UBAP2: variants seen among roughly 807,000 people sequenced by gnomAD.
The protein encoded by UBAP2 is ubiquitin-associated protein 2.
A neutral mutation model predicts 139.6 loss-of-function variants in UBAP2; 75 were observed. The ratio of observed to expected loss-of-function variants is 0.54; its 90% CI spans 0.45 to 0.65. The LOEUF (loss-of-function observed/expected upper bound fraction) is 0.65. Ranked by LOEUF, UBAP2 falls within the 30% of genes least tolerant of loss-of-function variation. UBAP2 has a pLI of 0.00. For missense variants in UBAP2, 1,368 were observed against 1,369.6 expected (o/e 1.00, Z 0.02); for synonymous variants, 526 against 526.2 (o/e 1.00, Z 0.01).
intron 16 of UBAP2, among the ~76,000 whole-genome samples, chr9:33,938,546 C>T (rs1308380440): frequency 1.3e-5 from 2 of 152,150 alleles, no homozygotes; most frequent in African/African-American, 4.8e-5. Context: ...CCTGTAATCC[C>T]AGCACTTTGG....
chr9:33,994,874 G>A lies in UBAP2; in HGVS notation c.288+1349C>T, dbSNP rs1822019088. 2.6e-5 allele frequency: 4 copies of A among 152,150 alleles called. No homozygotes were observed. In the South Asian group the frequency reaches 8.3e-4, roughly 32 times the overall value. 9.4% of individuals were successfully genotyped at this position (152,150 alleles called of 1,614,324 possible). A position where few individuals can be genotyped will look rare whatever the true frequency, so the allele number is the denominator to read the frequency against. On this transcript the variant is annotated intron_variant, in intron 4 of 28. Transcript: ENST00000379238. ...TTTCAGTTTCTCAGAGTTCATTTTTGTATTTCTTGTACCTAATGCAGCATG... is the reference window on the plus strand; with the variant it reads ...TTTCAGTTTCTCAGAGTTCATTTTTATATTTCTTGTACCTAATGCAGCATG...
At chr9:33,942,289 C>T (rs894891103) in intron 15 of UBAP2, among the ~76,000 whole-genome samples, 3 of 150,280 alleles carry the variant, frequency 2.0e-5, no homozygotes, top group African/African-American at 4.9e-5. Flanking sequence ...TCCAGCCTGG[C>T]GACAGAGCAA....
chr9:34,038,785 A>C (rs1211299543), intron 1 of UBAP2, among the ~76,000 whole-genome samples: 7 of 145,170 alleles, frequency 4.8e-5, no homozygotes, highest in African/African-American at 1.6e-4. Context: ...TGCTGCCCAG[A>C]CTGGGAAGTG....
Position 34,005,949 on chromosome 9 carries a change from G to A in UBAP2, c.100-7085C>T, listed in dbSNP as rs534640584. On this transcript the variant is annotated intron_variant, in intron 2 of 28. Transcript: ENST00000379238. ...TTCTTTAGTTTAAGAACTGGACTCT[G>A]GCCAGGCGTGGTGGCTCATGCCTAT... is the stretch of plus-strand genomic sequence containing the variant. Among the ~76,000 whole-genome samples the A allele has an allele frequency of 2.7e-4, 41 of 151,998 alleles. 1 individual carries two copies. The highest frequency in any genetic ancestry group is 5.9e-4 in the Non-Finnish European group (40 of 68,008).
At chr9:33,924,078 C>T in intron 23 of UBAP2, 78 bp from the exon 24 acceptor site, 1 of 1,593,890 alleles carries the variant, frequency 6.3e-7, no homozygotes, top group South Asian at 1.1e-5. Context: ...CAAACAGGAA[C>T]AGGTCTGGCT....
chr9:33,935,692 A>C (rs983277252), intron 17 of UBAP2, 147 bp downstream of exon 17: 2 of 846,228 alleles, frequency 2.4e-6, no homozygotes, highest in Non-Finnish European at 4.0e-6. Flanking sequence ...CACAGCCAAC[A>C]CCTGGTCCAA....
Position 33,923,441 on chromosome 9 carries a change from A to G in UBAP2, c.2834T>C (p.Leu945Pro). 6.2e-7 allele frequency: 1 copy of G among 1,614,030 alleles called. No individual in the cohort carries two copies. The highest frequency in any genetic ancestry group is 8.5e-7 in the Non-Finnish European group (1 of 1,179,994). ...CTGGAAGGGAGGTGTGGGAGTGCTG[A>G]GGTTCACCCCATGTTGCTTGGCTGA... ...PASAKQHGVN[L>P]STPTPPFQQA... The change falls in exon 25 of 29, where the codon CTC (leucine) becomes CCC (proline). Residue 945 changes from leucine to proline, a missense_variant. Leu to Pro is a moderately conservative substitution (Grantham distance 98). Transcript: ENST00000379238.
intron 8 of UBAP2, chr9:33,968,319 G>A: frequency 1.7e-6 from 1 of 591,072 alleles, no homozygotes; most frequent in Admixed American, 1.9e-5. Context: ...GGCCTCTGAT[G>A]CCCATGTTCA....
intron 13 of UBAP2, among the ~76,000 whole-genome samples, 179 bp downstream of exon 13, chr9:33,948,195 A>G (rs533086176): frequency 3.3e-5 from 5 of 152,282 alleles, no homozygotes; most frequent in Admixed American, 3.3e-4. Flanking sequence ...AACAACAAAA[A>G]CAAATAAATG....
intron 1 of UBAP2, among the ~76,000 whole-genome samples, chr9:34,037,142 CCAT>C (rs1826499846): frequency 6.6e-6 from 1 of 152,082 alleles, no homozygotes; most frequent in Non-Finnish European, 1.5e-5. Context: ...AGGCGTGCCA[CCAT>C]GCCTGGCTAA....
At chr9:33,992,858 T>G (rs1821840826) in intron 4 of UBAP2, among the ~76,000 whole-genome samples, 1 of 152,196 alleles carries the variant, frequency 6.6e-6, no homozygotes, top group South Asian at 2.1e-4. Flanking sequence ...TTTTGCTAGT[T>G]GCAGAACAGG....
intron 12 of UBAP2, 133 bp from the exon 13 acceptor site, chr9:33,948,720 T>G: frequency 1.5e-6 from 1 of 661,398 alleles, no homozygotes; most frequent in Non-Finnish European, 2.5e-6. Context: ...AAAATATAAC[T>G]TAGAAAATAC....
chr9:33,930,352 G>A (rs1188810919), intron 19 of UBAP2, among the ~76,000 whole-genome samples: 1 of 149,828 alleles, frequency 6.7e-6, no homozygotes, highest in Non-Finnish European at 1.5e-5. Flanking sequence ...ACATATGTAG[G>A]TTATCAAATG....
intron 2 of UBAP2, among the ~76,000 whole-genome samples, chr9:34,014,410 C>T (rs920616988): frequency 6.7e-6 from 1 of 149,850 alleles, no homozygotes; most frequent in Non-Finnish European, 1.5e-5. Flanking sequence ...GGGGCAGTCA[C>T]TTGGGCTCAG....
chr9:34,000,803 G>A (rs903913491), intron 2 of UBAP2, among the ~76,000 whole-genome samples: 1 of 152,288 alleles, frequency 6.6e-6, no homozygotes, highest in East Asian at 1.9e-4. Flanking sequence ...CCATGTGGGT[G>A]GGTGATTATA....
At chr9:34,049,151 C>A (rs958912773), upstream of UBAP2, among the ~76,000 whole-genome samples, 1 of 152,228 alleles carries the variant, frequency 6.6e-6, no homozygotes, top group African/African-American at 2.4e-5. Flanking sequence ...TTACCCACCG[C>A]ATACAAGGTG....
chr9:34,042,454 G>A (rs927384003), intron 1 of UBAP2, among the ~76,000 whole-genome samples: 4 of 144,456 alleles, frequency 2.8e-5, no homozygotes, highest in African/African-American at 1.0e-4. Flanking sequence ...CTTCAGCCCA[G>A]GCGATAGTGC....
chr9:33,940,012 G>A (rs1825062299), intron 16 of UBAP2, among the ~76,000 whole-genome samples: 1 of 145,022 alleles, frequency 6.9e-6, no homozygotes, highest in Non-Finnish European at 1.5e-5. Context: ...GGGGAAAGAG[G>A]AGGGGGAGGG....
chr9:34,014,849 C>A (rs965145640), intron 2 of UBAP2, among the ~76,000 whole-genome samples: 19 of 151,760 alleles, frequency 1.3e-4, no homozygotes, highest in African/African-American at 4.6e-4. Context: ...GAGGACCTAG[C>A]CTAAAACCTC....
Sources: allele counts gnomAD v4.1 joint callset (sites outside exome capture counted in the v4.1 genomes callset), GRCh38; gene constraint gnomAD v4.1.1; transcripts MANE v1.5; gene names NCBI Gene and HGNC (gene_info 2026-07-23, HGNC 2026-07-21).